MIPEP: variants seen among roughly 807,000 people sequenced by gnomAD.
MIPEP encodes mitochondrial intermediate peptidase.
MIPEP carries 79 observed loss-of-function variants against 90.3 expected under a neutral mutation model. The ratio of observed to expected loss-of-function variants is 0.87; its 90% CI spans 0.73 to 1.05. The LOEUF (loss-of-function observed/expected upper bound fraction) is 1.05, where lower values mean the gene tolerates loss of function less well. Among genes scored for constraint, MIPEP ranks in the 50% least tolerant of loss-of-function variants. MIPEP has a pLI of 0.00. For missense variants in MIPEP, 940 were observed against 905.6 expected, an observed-to-expected ratio of 1.04 and a Z score of -0.49; for synonymous variants, 334 against 315.8, an observed-to-expected ratio of 1.06 and a Z score of -0.61.
chr13:23,778,851 C>T (rs147405587), intron 16 of MIPEP, among the ~76,000 whole-genome samples: 3 of 152,126 alleles, frequency 2.0e-5, no homozygotes, highest in East Asian at 1.9e-4. Flanking sequence ...GAAGATCTCA[C>T]GCCTAGCTCA....
Position 23,853,183 on chromosome 13 carries a change from C to A in MIPEP, c.1106+5677G>T, listed in dbSNP as rs534487712. On this transcript the variant is annotated intron_variant, in intron 10 of 18. Transcript: ENST00000382172. ...ATATCTTTCTATAAATTTAGTGTAG[C>A]CTAAGTGTACAGTGTCTATAAAGTC... Among the ~76,000 whole-genome samples, 11 of 152,152 alleles carry A rather than the reference C, an allele frequency of 7.2e-5. No individual in the cohort carries two copies. The South Asian group carries it at 2.3e-3, about 32-fold the overall frequency.
At chr13:23,741,115 G>A (rs1270743775) in intron 18 of MIPEP, among the ~76,000 whole-genome samples, 1 of 152,128 alleles carries the variant, frequency 6.6e-6, no homozygotes, top group Non-Finnish European at 1.5e-5. Flanking sequence ...AAATCACAAT[G>A]AGATACCATT....
At chr13:23,753,309 AT>A (rs1392397924) in intron 18 of MIPEP, among the ~76,000 whole-genome samples, 1 of 152,198 alleles carries the variant, frequency 6.6e-6, no homozygotes, top group Non-Finnish European at 1.5e-5. Context: ...CCGCAAGGAA[AT>A]TAAGTGACTT....
At chr13:23,854,958 C>T (rs9507174) in intron 10 of MIPEP, among the ~76,000 whole-genome samples, 1 of 151,300 alleles carries the variant, frequency 6.6e-6, no homozygotes, top group Non-Finnish European at 1.5e-5. Context: ...AAATGAAATA[C>T]TGAAACTCAT....
At chr13:23,796,025 G>C (rs1565996525) in intron 16 of MIPEP, among the ~76,000 whole-genome samples, 2 of 152,202 alleles carry the variant, frequency 1.3e-5, no homozygotes, top group African/African-American at 4.8e-5. Flanking sequence ...TAATATGCTT[G>C]AGTGTTTAAA....
chr13:23,839,227 C>T (rs1244650936), intron 12 of MIPEP, among the ~76,000 whole-genome samples: 1 of 152,176 alleles, frequency 6.6e-6, no homozygotes, highest in Non-Finnish European at 1.5e-5. Flanking sequence ...AGTTGGGGAT[C>T]TGCTCAGGAT....
chr13:23,869,858 T>C (rs1165968398), intron 6 of MIPEP, among the ~76,000 whole-genome samples, 155 bp downstream of exon 6: 1 of 152,224 alleles, frequency 6.6e-6, no homozygotes, highest in Non-Finnish European at 1.5e-5. Flanking sequence ...CTTTAAAGTG[T>C]TTATGGCATT....
At chr13:23,780,489 C>T (rs961431086) in intron 16 of MIPEP, among the ~76,000 whole-genome samples, 4 of 152,142 alleles carry the variant, frequency 2.6e-5, no homozygotes, top group African/African-American at 9.7e-5. Context: ...GTAGATAAAA[C>T]CACAAAGATG....
chr13:23,800,466 C>T (rs1053858887), intron 16 of MIPEP, among the ~76,000 whole-genome samples: 12 of 152,192 alleles, frequency 7.9e-5, no homozygotes, highest in African/African-American at 2.9e-4. Context: ...GAAGTGGTAA[C>T]AGCAGAAGGT....
chr13:23,885,255 C>T (rs542493365), intron 2 of MIPEP, among the ~76,000 whole-genome samples: 1 of 152,162 alleles, frequency 6.6e-6, no homozygotes, highest in Admixed American at 6.5e-5. Context: ...ACAACTGAAT[C>T]ATGGAAATAA....
At chr13:23,773,255 G>A (rs533176186) in intron 16 of MIPEP, among the ~76,000 whole-genome samples, 103 of 152,196 alleles carry the variant, frequency 6.8e-4, no homozygotes, top group Non-Finnish European at 1.1e-3. Context: ...CTAGTTTGTC[G>A]CACCGAGCGT....
At chr13:23,828,012 C>T (rs901072597) in intron 14 of MIPEP, among the ~76,000 whole-genome samples, 1 of 152,172 alleles carries the variant, frequency 6.6e-6, no homozygotes, top group African/African-American at 2.4e-5. Flanking sequence ...ACCAAGGTGG[C>T]TTAATCCTGA....
chr13:23,746,583 G>C (rs1381831219), intron 18 of MIPEP, among the ~76,000 whole-genome samples: 1 of 145,196 alleles, frequency 6.9e-6, no homozygotes. Context: ...GTAGTGAGCT[G>C]AGATCACCTC....
intron 16 of MIPEP, among the ~76,000 whole-genome samples, chr13:23,805,106 AC>A (rs922982922): frequency 8.6e-4 from 131 of 152,306 alleles, no homozygotes; most frequent in African/African-American, 3.0e-3. Flanking sequence ...CAGTTACAAG[AC>A]TCAATAAATT....
chr13:23,750,828 A>G (rs559631802), intron 18 of MIPEP, among the ~76,000 whole-genome samples: 1 of 152,328 alleles, frequency 6.6e-6, no homozygotes, highest in Admixed American at 6.5e-5. Flanking sequence ...TCACATCCCA[A>G]GACTGTGATT....
At chr13:23,830,375 G>A (rs901621265) in intron 14 of MIPEP, among the ~76,000 whole-genome samples, 2 of 152,138 alleles carry the variant, frequency 1.3e-5, no homozygotes, top group East Asian at 3.8e-4. Context: ...ACACTTCTTA[G>A]GAATAAATAA....
chr13:23,869,538 T>A (rs944175380), intron 6 of MIPEP, 90 bp from the exon 7 acceptor site: 17 of 1,184,026 alleles, frequency 1.4e-5, no homozygotes, highest in Non-Finnish European at 1.9e-5. Flanking sequence ...CCACTTGATC[T>A]GCAGATGATC....
At chr13:23,873,063 CAT>C (rs756926931) in intron 5 of MIPEP, among the ~76,000 whole-genome samples, 17 of 152,204 alleles carry the variant, frequency 1.1e-4, no homozygotes, top group Non-Finnish European at 2.1e-4. Flanking sequence ...AAGAATGCCA[CAT>C]GACTGAAATA....
chr13:23,779,265 G>A (rs192757237), intron 16 of MIPEP, among the ~76,000 whole-genome samples: 1 of 152,182 alleles, frequency 6.6e-6, no homozygotes, highest in African/African-American at 2.4e-5. Context: ...TGTTGTGAGT[G>A]ATGTGTATGT....
Sources: gnomAD v4.1 joint callset for allele counts (sites outside exome capture counted in the v4.1 genomes callset) on GRCh38, gnomAD v4.1.1 for gene constraint, MANE v1.5 for transcripts, NCBI Gene and HGNC (gene_info 2026-07-23, HGNC 2026-07-21) for gene names.